DOK6: variants seen among roughly 807,000 people sequenced by gnomAD.
DOK6 encodes docking protein 6.
DOK6 carries 22 observed loss-of-function variants against 44.0 expected under a neutral mutation model. The ratio of observed to expected loss-of-function variants is 0.50; its 90% CI spans 0.36 to 0.71. The LOEUF is 0.71. Among genes scored for constraint, DOK6 ranks in the 30% least tolerant of loss-of-function variants. The pLI is 0.00. For missense variants in DOK6, 340 were observed against 416.4 expected (o/e 0.82, Z 1.60); for synonymous variants, 166 against 145.5 (o/e 1.14, Z -1.01).
chr18:69,743,555 A>G (rs1483644274), intron 6 of DOK6, among the ~76,000 whole-genome samples: 3 of 152,188 alleles, frequency 2.0e-5, no homozygotes, highest in Non-Finnish European at 4.4e-5. Flanking sequence ...ACATGCACAC[A>G]CATGCACATT....
At chr18:69,737,047 G>A (rs574563103) in intron 5 of DOK6, among the ~76,000 whole-genome samples, 1 of 152,294 alleles carries the variant, frequency 6.6e-6, no homozygotes, top group East Asian at 1.9e-4. Flanking sequence ...ACATTCTCTA[G>A]TATTGGCTTG....
intron 1 of DOK6, among the ~76,000 whole-genome samples, chr18:69,430,532 A>T (rs1978774880): frequency 6.6e-6 from 1 of 152,224 alleles, no homozygotes. Flanking sequence ...CTTCCTCATT[A>T]GGATTAGTAT....
At chr18:69,593,654 C>T (rs879844971) in intron 2 of DOK6, among the ~76,000 whole-genome samples, 9 of 151,990 alleles carry the variant, frequency 5.9e-5, no homozygotes, top group Non-Finnish European at 1.0e-4. Flanking sequence ...TTAGAAAATC[C>T]CTGGGGTTTG....
intron 1 of DOK6, among the ~76,000 whole-genome samples, chr18:69,509,146 C>A (rs1251014399): frequency 6.6e-6 from 1 of 152,098 alleles, no homozygotes; most frequent in Non-Finnish European, 1.5e-5. Flanking sequence ...CTTATGAGTC[C>A]CAAGTATTCT....
intron 7 of DOK6, among the ~76,000 whole-genome samples, chr18:69,806,284 T>C (rs1981050446): frequency 1.3e-5 from 2 of 152,012 alleles, no homozygotes; most frequent in Admixed American, 1.3e-4. Flanking sequence ...GAAATTCTTA[T>C]TGGAAGATAG....
At chr18:69,776,867 C>T (rs984767104) in intron 7 of DOK6, among the ~76,000 whole-genome samples, 8 of 151,686 alleles carry the variant, frequency 5.3e-5, no homozygotes, top group African/African-American at 1.9e-4. Context: ...TTAGACATGA[C>T]ATCAGTTTGC....
intron 3 of DOK6, among the ~76,000 whole-genome samples, chr18:69,622,247 T>C (rs1275651796): frequency 1.3e-5 from 2 of 152,136 alleles, no homozygotes; most frequent in Non-Finnish European, 2.9e-5. Flanking sequence ...TCCAGCCCCA[T>C]AAAGAGAGAA....
chr18:69,756,924 G>A (rs1187569120), intron 6 of DOK6, among the ~76,000 whole-genome samples: 1 of 152,226 alleles, frequency 6.6e-6, no homozygotes, highest in East Asian at 1.9e-4. Flanking sequence ...CATTTCCTCA[G>A]GTTGGGTCAG....
chr18:69,564,914 G>A (rs192543414), intron 2 of DOK6, among the ~76,000 whole-genome samples: 5 of 152,194 alleles, frequency 3.3e-5, no homozygotes, highest in East Asian at 1.9e-4. Context: ...GTTACTTGGC[G>A]TAAACTGTGA....
At chr18:69,407,655 TGTCA>T (rs985903191) in intron 1 of DOK6, among the ~76,000 whole-genome samples, 8 of 152,232 alleles carry the variant, frequency 5.3e-5, no homozygotes, top group African/African-American at 7.2e-5. Flanking sequence ...ATATTGCACC[TGTCA>T]GTCAAAGTGG....
At chr18:69,595,168 C>T (rs1053139535) in intron 2 of DOK6, among the ~76,000 whole-genome samples, 1 of 152,178 alleles carries the variant, frequency 6.6e-6, no homozygotes, top group African/African-American at 2.4e-5. Context: ...AATGACCATA[C>T]TACTCAAAGC....
At chr18:69,405,504 C>T (rs1916188625) in intron 1 of DOK6, among the ~76,000 whole-genome samples, 1 of 151,996 alleles carries the variant, frequency 6.6e-6, no homozygotes, top group Non-Finnish European at 1.5e-5. Context: ...TGCTTGAACT[C>T]GGAAGGTGGA....
chr18:69,741,436 A>T (rs1250729903), intron 6 of DOK6, among the ~76,000 whole-genome samples: 1 of 152,162 alleles, frequency 6.6e-6, no homozygotes, highest in Non-Finnish European at 1.5e-5. Flanking sequence ...CCAAAAGCAA[A>T]GTTTTCCAGT....
intron 1 of DOK6, among the ~76,000 whole-genome samples, chr18:69,535,166 T>A (rs1168663720): frequency 3.3e-5 from 5 of 152,144 alleles, no homozygotes; most frequent in Non-Finnish European, 1.5e-5. Flanking sequence ...CGAATGTGAA[T>A]CACCGTACGT....
intron 7 of DOK6, among the ~76,000 whole-genome samples, chr18:69,778,804 G>A (rs1980162089): frequency 6.6e-6 from 1 of 152,132 alleles, no homozygotes; most frequent in South Asian, 2.1e-4. Flanking sequence ...TGAAGAGATA[G>A]CCTAAAGGAT....
At chr18:69,511,400 TA>T (rs1981361399) in intron 1 of DOK6, among the ~76,000 whole-genome samples, 1 of 152,136 alleles carries the variant, frequency 6.6e-6, no homozygotes, top group Non-Finnish European at 1.5e-5. Flanking sequence ...ATCTAATAAT[TA>T]TTATACTTGC....
At chr18:69,581,557 A>C (rs994939675) in intron 2 of DOK6, among the ~76,000 whole-genome samples, 2 of 152,168 alleles carry the variant, frequency 1.3e-5, no homozygotes, top group African/African-American at 4.8e-5. Context: ...TCCCTCATGG[A>C]CTGTAGGAAG....
intron 1 of DOK6, among the ~76,000 whole-genome samples, chr18:69,514,713 T>C (rs1981467667): frequency 8.2e-6 from 1 of 121,496 alleles, no homozygotes; most frequent in Non-Finnish European, 2.0e-5. Flanking sequence ...GGTAGGTTTT[T>C]TGTTTTTTTT....
intron 3 of DOK6, among the ~76,000 whole-genome samples, chr18:69,608,767 T>C (rs1360216483): frequency 6.6e-6 from 1 of 151,940 alleles, no homozygotes; most frequent in East Asian, 1.9e-4. Flanking sequence ...CTGGCCAACA[T>C]GGTGAAACCC....
Sources: gnomAD v4.1 joint callset for allele counts (sites outside exome capture counted in the v4.1 genomes callset) on GRCh38, gnomAD v4.1.1 for gene constraint, MANE v1.5 for transcripts, NCBI Gene and HGNC (gene_info 2026-07-23, HGNC 2026-07-21) for gene names.